Variants in KLHL1 observed in about 807,000 individuals in gnomAD.
The protein encoded by KLHL1 is kelch-like protein 1.
A neutral mutation model predicts 77.7 loss-of-function variants in KLHL1; 47 were observed. The observed-to-expected ratio is 0.60, with a 90% CI of 0.48 to 0.77. KLHL1 has a LOEUF of 0.77. KLHL1 is among the 30% of genes least tolerant of loss of function. KLHL1 has a pLI of 0.00. For synonymous variants in KLHL1, 360 were observed against 325.2 expected (o/e 1.11, Z -1.15); for missense variants, 925 against 910.8 (o/e 1.02, Z -0.20).
intron 7 of KLHL1, among the ~76,000 whole-genome samples, chr13:69,771,556 C>G (rs1157235462): frequency 6.6e-6 from 1 of 152,168 alleles, no homozygotes; most frequent in Non-Finnish European, 1.5e-5. Flanking sequence ...CCTTACACTT[C>G]TAGCAGCAAT....
intron 1 of KLHL1, among the ~76,000 whole-genome samples, chr13:70,099,434 C>G (rs1193094794): frequency 2.6e-5 from 4 of 151,974 alleles, no homozygotes; most frequent in Non-Finnish European, 4.4e-5. Context: ...AGTATTTTGA[C>G]TTCCCTTTTT....
At chr13:69,913,726 A>C (rs987746754) in intron 4 of KLHL1, among the ~76,000 whole-genome samples, 1 of 152,226 alleles carries the variant, frequency 6.6e-6, no homozygotes, top group African/African-American at 2.4e-5. Flanking sequence ...GCAATATTGT[A>C]GTTACTATTT....
At chr13:69,954,627 C>T (rs1222553454) in intron 3 of KLHL1, among the ~76,000 whole-genome samples, 1 of 151,204 alleles carries the variant, frequency 6.6e-6, no homozygotes, top group Non-Finnish European at 1.5e-5. Flanking sequence ...TAAAAGTCAC[C>T]TAGCTATTTC....
At chr13:69,911,252 T>C (rs1413586796) in intron 4 of KLHL1, among the ~76,000 whole-genome samples, 3 of 152,126 alleles carry the variant, frequency 2.0e-5, no homozygotes, top group Non-Finnish European at 2.9e-5. Flanking sequence ...ACTATTTGAA[T>C]ATAATTTTTA....
intron 1 of KLHL1, among the ~76,000 whole-genome samples, chr13:70,037,264 A>G (rs1266349900): frequency 6.6e-6 from 1 of 151,992 alleles, no homozygotes. Context: ...TTATCTGAAA[A>G]TGGCTTTCTT....
chr13:69,723,521 A>G (rs1224483049), intron 8 of KLHL1, among the ~76,000 whole-genome samples: 1 of 152,138 alleles, frequency 6.6e-6, no homozygotes, highest in Non-Finnish European at 1.5e-5. Flanking sequence ...TTCTCACTGT[A>G]AACCAAAAAT....
At chr13:69,894,823 T>C in intron 4 of KLHL1, 1 of 236,182 alleles carries the variant, frequency 4.2e-6, no homozygotes, top group Non-Finnish European at 8.4e-6. Context: ...GGTTGGCCAA[T>C]CCTCCAAATT....
intron 1 of KLHL1, among the ~76,000 whole-genome samples, chr13:70,098,129 C>T (rs1887837320): frequency 6.6e-6 from 1 of 151,716 alleles, no homozygotes; most frequent in Admixed American, 6.6e-5. Context: ...CATACTATGA[C>T]ATTGCTAGCT....
At chr13:69,924,600 A>G (rs1429181252) in intron 4 of KLHL1, among the ~76,000 whole-genome samples, 1 of 152,158 alleles carries the variant, frequency 6.6e-6, no homozygotes, top group African/African-American at 2.4e-5. Context: ...CCACTGATCC[A>G]CATACCTCCT....
chr13:69,828,182 A>G (rs78180232), intron 6 of KLHL1, among the ~76,000 whole-genome samples: 2,346 of 150,026 alleles, frequency 0.016, 239 homozygotes, highest in African/African-American at 0.054. Flanking sequence ...GCCACAGCAC[A>G]CTCCATGAAC....
At chr13:69,762,409 C>A (rs561362111) in intron 7 of KLHL1, among the ~76,000 whole-genome samples, 3 of 152,070 alleles carry the variant, frequency 2.0e-5, no homozygotes, top group East Asian at 1.9e-4. Flanking sequence ...GGCTTTAAAG[C>A]ATTATGCCAA....
rs1491414302 is a variant in KLHL1, at chr13:69,855,351, GAC to G, written c.1228-16191_1228-16190del. ...AGATAGATAGATAGATAGATAGACA[GAC>G]AGATAGATACATAGAGAGATAGATC... On this transcript the variant is annotated intron_variant, in intron 5 of 10. Transcript: ENST00000377844. Among the ~76,000 whole-genome samples the G allele has an allele frequency of 9.5e-3, 824 of 86,640 alleles. 12 individuals carry two copies. The highest frequency in any genetic ancestry group is 0.023 in the African/African-American group (470 of 20,352). The allele number at this position is 86,640 out of a possible 152,430, so 56.8% of individuals were successfully genotyped here.
intron 4 of KLHL1, among the ~76,000 whole-genome samples, chr13:69,932,082 C>T (rs573787268): frequency 1.3e-5 from 2 of 151,758 alleles, no homozygotes; most frequent in South Asian, 4.2e-4. Flanking sequence ...ACTTATTCAT[C>T]TATTCTTTCT....
intron 2 of KLHL1, among the ~76,000 whole-genome samples, chr13:69,965,768 ACAACAGACTTATTT>A (rs1884193629): frequency 6.6e-6 from 1 of 152,202 alleles, no homozygotes; most frequent in African/African-American, 2.4e-5. Context: ...ATAAGAAAGC[ACAACAGACTTATTT>A]CTGAAATGGA....
intron 1 of KLHL1, among the ~76,000 whole-genome samples, chr13:70,092,435 A>G (rs558158316): frequency 6.6e-6 from 1 of 152,288 alleles, no homozygotes; most frequent in South Asian, 2.1e-4. Flanking sequence ...TTAAAATAAT[A>G]TATTAAACTC....
intron 1 of KLHL1, among the ~76,000 whole-genome samples, chr13:69,977,470 C>A (rs1447915264): frequency 2.6e-5 from 4 of 151,796 alleles, no homozygotes; most frequent in Non-Finnish European, 4.4e-5. Flanking sequence ...AACTAAGTTA[C>A]TGAGATAAAA....
At chr13:70,104,209 T>A (rs1273819921) in intron 1 of KLHL1, among the ~76,000 whole-genome samples, 1 of 152,158 alleles carries the variant, frequency 6.6e-6, no homozygotes, top group East Asian at 1.9e-4. Context: ...AGTAGAGAAA[T>A]TAATGATTAA....
chr13:69,788,678 A>G (rs183857513), intron 7 of KLHL1, among the ~76,000 whole-genome samples: 3 of 152,146 alleles, frequency 2.0e-5, no homozygotes, highest in Admixed American at 6.6e-5. Context: ...AATAGAAAAT[A>G]TAGTATTTAT....
chr13:69,989,295 A>G (rs979009798), intron 1 of KLHL1, among the ~76,000 whole-genome samples: 1 of 151,750 alleles, frequency 6.6e-6, no homozygotes, highest in African/African-American at 2.4e-5. Context: ...TCATGGCTCT[A>G]TTCTGTTCCA....
Sources: allele counts gnomAD v4.1 joint callset (sites outside exome capture counted in the v4.1 genomes callset), GRCh38; gene constraint gnomAD v4.1.1; transcripts MANE v1.5; gene names NCBI Gene and HGNC (gene_info 2026-07-23, HGNC 2026-07-21).